The following NXPE4 variants were observed in gnomAD, a reference collection of about 807,000 sequenced individuals.
The protein encoded by NXPE4 is neurexophilin and PC-esterase domain family member 4.
NXPE4 carries 42 observed loss-of-function variants against 33.3 expected under a neutral mutation model. That is an observed-to-expected ratio of 1.26 (90% CI 0.98 to 1.63). NXPE4 has a LOEUF of 1.63. NXPE4 is among the 40% of genes most tolerant of loss of function. The pLI is 0.00. For synonymous variants in NXPE4, 253 were observed against 234.9 expected (o/e 1.08, Z -0.71); for missense variants, 709 against 647.6 (o/e 1.09, Z -1.03).
At chr11:114,623,248 C>T in the NXPE4 span, among the ~76,000 whole-genome samples, 568 of 151,916 alleles carry the variant, frequency 3.7e-3, no homozygotes, top group Middle Eastern at 0.01. Flanking sequence ...CACTGTTTCC[C>T]GGTGGGTAAT....
chr11:114,599,580 T>A (rs1283587827), upstream of NXPE4, among the ~76,000 whole-genome samples: 2 of 152,182 alleles, frequency 1.3e-5, no homozygotes, highest in African/African-American at 4.8e-5. Context: ...TGGCTTATGG[T>A]TCCACAGGCT....
chr11:114,606,053 G>A, the NXPE4 span, among the ~76,000 whole-genome samples: 1 of 151,858 alleles, frequency 6.6e-6, no homozygotes, highest in South Asian at 2.1e-4. Context: ...TCTGCCTCGT[G>A]GGTAACCACT....
At chr11:114,632,676 T>TTA in the NXPE4 span, among the ~76,000 whole-genome samples, 1 of 57,696 alleles carries the variant, frequency 1.7e-5, no homozygotes, top group Non-Finnish European at 2.7e-5. Flanking sequence ...GTATATATAT[T>TTA]TATATATATA....
chr11:114,598,649 T>G (rs1025506598), upstream of NXPE4, among the ~76,000 whole-genome samples: 3 of 150,056 alleles, frequency 2.0e-5, no homozygotes, highest in African/African-American at 4.9e-5. Context: ...AGCAATGGCT[T>G]GAGCTGTACC....
At chr11:114,624,308 A>T in the NXPE4 span, among the ~76,000 whole-genome samples, 1 of 152,082 alleles carries the variant, frequency 6.6e-6, no homozygotes, top group Non-Finnish European at 1.5e-5. Context: ...GTGGATAATA[A>T]GTGTTGCCTC....
chr11:114,625,675 A>G, the NXPE4 span, among the ~76,000 whole-genome samples: 1 of 152,138 alleles, frequency 6.6e-6, no homozygotes, highest in East Asian at 1.9e-4. Flanking sequence ...GGAGGAGCCA[A>G]GATGGCCGAG....
the NXPE4 span, among the ~76,000 whole-genome samples, chr11:114,611,467 G>A: frequency 2.0e-5 from 3 of 149,356 alleles, no homozygotes; most frequent in South Asian, 4.3e-4. Flanking sequence ...GTATTGCCTC[G>A]TGGGTAACCA....
At chr11:114,616,703 C>T in the NXPE4 span, among the ~76,000 whole-genome samples, 1 of 151,772 alleles carries the variant, frequency 6.6e-6, no homozygotes, top group East Asian at 1.9e-4. Context: ...TCTGAAACCA[C>T]TGTTACCCAG....
chr11:114,632,244 A>G, the NXPE4 span, among the ~76,000 whole-genome samples: 1 of 140,056 alleles, frequency 7.1e-6, no homozygotes, highest in African/African-American at 2.6e-5. Flanking sequence ...ATATATGTAT[A>G]TGTGTATATA....
the NXPE4 span, among the ~76,000 whole-genome samples, chr11:114,613,773 G>A: frequency 6.7e-6 from 1 of 149,762 alleles, no homozygotes; most frequent in Non-Finnish European, 1.5e-5. Flanking sequence ...AGTGTTGCCT[G>A]GTGGGTAACC....
the NXPE4 span, among the ~76,000 whole-genome samples, chr11:114,637,937 G>A: frequency 6.6e-6 from 1 of 151,828 alleles, no homozygotes. Flanking sequence ...TGACAATTAT[G>A]TGTCTTGGAG....
the NXPE4 span, among the ~76,000 whole-genome samples, chr11:114,654,670 A>G: frequency 6.6e-6 from 1 of 152,208 alleles, no homozygotes; most frequent in East Asian, 1.9e-4. Flanking sequence ...TTATGGATGC[A>G]TAGTATTCCA....
intron 2 of NXPE4, among the ~76,000 whole-genome samples, chr11:114,591,912 C>T (rs917732731): frequency 6.6e-6 from 1 of 152,038 alleles, no homozygotes; most frequent in African/African-American, 2.4e-5. Context: ...TCAGGTGGCC[C>T]CTTCTCATTC....
At chr11:114,619,987 A>T in the NXPE4 span, among the ~76,000 whole-genome samples, 4 of 151,788 alleles carry the variant, frequency 2.6e-5, no homozygotes, top group African/African-American at 9.7e-5. Context: ...TACCTGGTGG[A>T]TAGTTAGTAT....
At chr11:114,618,371 T>C in the NXPE4 span, among the ~76,000 whole-genome samples, 1 of 152,030 alleles carries the variant, frequency 6.6e-6, no homozygotes, top group African/African-American at 2.4e-5. Context: ...TGTTGCCTCA[T>C]GGGTAGTCAC....
chr11:114,639,883 T>TATAAAATATA, the NXPE4 span, among the ~76,000 whole-genome samples: 1 of 97,802 alleles, frequency 1.0e-5, no homozygotes, highest in Non-Finnish European at 1.8e-5. Context: ...AAATATAAAA[T>TATAAAATATA]ATGTTATATA....
At chr11:114,636,721 C>A in the NXPE4 span, among the ~76,000 whole-genome samples, 1 of 152,044 alleles carries the variant, frequency 6.6e-6, no homozygotes, top group African/African-American at 2.4e-5. Context: ...TCGTTATGTA[C>A]CCAGCAGTCA....
chr11:114,637,818 T>A, the NXPE4 span, among the ~76,000 whole-genome samples: 1 of 152,050 alleles, frequency 6.6e-6, no homozygotes, highest in Non-Finnish European at 1.5e-5. Flanking sequence ...TTGTAGAGTT[T>A]CTGCCAAGAG....
At chr11:114,633,278 GTTATA>G in the NXPE4 span, among the ~76,000 whole-genome samples, 5 of 132,076 alleles carry the variant, frequency 3.8e-5, no homozygotes, top group Admixed American at 8.0e-5. Flanking sequence ...ATAGTATTAT[GTTATA>G]TTATAAAATT....
Sources: gnomAD v4.1 joint callset for allele counts (sites outside exome capture counted in the v4.1 genomes callset) on GRCh38, gnomAD v4.1.1 for gene constraint, MANE v1.5 for transcripts, NCBI Gene and HGNC (gene_info 2026-07-23, HGNC 2026-07-21) for gene names.